PCDH20: variants seen among roughly 807,000 people sequenced by gnomAD.
The protein encoded by PCDH20 is protocadherin 20.
A neutral mutation model predicts 39.7 loss-of-function variants in PCDH20; 18 were observed. The ratio of observed to expected loss-of-function variants is 0.45; its 90% confidence interval spans 0.31 to 0.67. The LOEUF (loss-of-function observed/expected upper bound fraction) is 0.67, where lower values mean the gene tolerates loss of function less well. PCDH20 is among the 30% of genes least tolerant of loss of function. PCDH20 has a pLI of 0.05. For missense variants in PCDH20, 1,161 were observed against 1,167.4 expected (o/e 0.99, Z 0.08); for synonymous variants, 495 against 455.4 (o/e 1.09, Z -1.11).
exon 2 of PCDH20, chr13:61,411,938 C>G (rs1168079212): frequency 1.2e-6 from 2 of 1,613,978 alleles, no homozygotes; most frequent in East Asian, 4.5e-5. Flanking sequence ...GAGGAGAGGG[C>G]AGGCTCACCC....
exon 2 of PCDH20, chr13:61,413,359 T>C: frequency 1.9e-6 from 3 of 1,614,070 alleles, no homozygotes; most frequent in Non-Finnish European, 2.5e-6. Context: ...CAGTAAGCGA[T>C]AGGTCTGTAC....
At chr13:61,414,092 G>T in intron 1 of PCDH20, 126 bp from the exon 2 acceptor site, 1 of 832,704 alleles carries the variant, frequency 1.2e-6, no homozygotes. Flanking sequence ...CCTCTAATTA[G>T]AACGGGGGCG....
intron 1 of PCDH20, 121 bp from the exon 2 acceptor site, chr13:61,414,087 A>C: frequency 1.1e-6 from 1 of 870,762 alleles, no homozygotes; most frequent in Non-Finnish European, 1.7e-6. Flanking sequence ...CAAAACCTCT[A>C]ATTAGAACGG....
At position 61,415,179 on chromosome 13, in the gene PCDH20, G is replaced by T; in HGVS notation, c.-21C>A. 2 of 1,395,572 alleles carry T rather than the reference G, an allele frequency of 1.4e-6. No homozygotes were observed. The highest frequency in any genetic ancestry group is 3.1e-5 in the South Asian group (2 of 64,920). 86.4% of individuals were successfully genotyped at this position (1,395,572 alleles called of 1,614,324 possible). ...CGCATTCCCTGGGAGGCTGCAGTCA[G>T]AGCGCTCTTGAAGGGAGGGCGGCAG... On this transcript the variant is annotated 5_prime_UTR_variant, in exon 1 of 2. The change creates a new upstream start codon in the 5' untranslated region. Transcript: ENST00000409204.
rs533937930 is a variant in PCDH20 at position 61,413,708 on chromosome 13, C to T, written c.391G>A (p.Val131Met). 4.3e-6 allele frequency: 7 copies of T among 1,613,950 alleles called. No individual in the cohort carries two copies. The highest frequency in any genetic ancestry group is 2.7e-5 in the African/African-American group (2 of 75,022). The stretch of plus-strand genomic sequence containing the variant: ...TCCCCAGAGCGGTTGTCTAGGGTCA[C>T]GTACTGGCCACTCAGTCCCCGGGAG... Residue 131 changes from valine to methionine, a missense_variant, in exon 2 of 2, where the codon GTG becomes ATG. By Grantham distance (21) the Val-to-Met change is conservative. Coordinates refer to ENST00000409204, the Ensembl canonical transcript of PCDH20.
chr13:61,413,747 A>G (rs1348566188), exon 2 of PCDH20: 1 of 1,613,776 alleles, frequency 6.2e-7, no homozygotes, highest in Non-Finnish European at 8.5e-7. Context: ...AGGCTGAAGG[A>G]GAGAGGGGGG....
exon 2 of PCDH20, chr13:61,413,419 C>T: frequency 6.2e-7 from 1 of 1,613,976 alleles, no homozygotes; most frequent in East Asian, 2.2e-5. Context: ...TATGGCCAGT[C>T]GGGTGTTTAC....
exon 2 of PCDH20, chr13:61,412,763 G>A (rs1593784431): frequency 1.2e-6 from 2 of 1,614,082 alleles, no homozygotes. Context: ...GTGTTAACGG[G>A]TTCCAGTTCT....
At chr13:61,414,317 G>C (rs1871488755) in intron 1 of PCDH20, among the ~76,000 whole-genome samples, 1 of 152,072 alleles carries the variant, frequency 6.6e-6, no homozygotes, top group Non-Finnish European at 1.5e-5. Context: ...ACTGCGCAAA[G>C]CGACACGGAA....
At chr13:61,411,300 T>C (rs1159225793) in exon 2 of PCDH20, 1 of 1,614,072 alleles carries the variant, frequency 6.2e-7, no homozygotes, top group Non-Finnish European at 8.5e-7. Context: ...CAATTTTTCC[T>C]TTCAGTGGAA....
chr13:61,415,188 T>C, exon 1 of PCDH20: 1 of 1,371,320 alleles, frequency 7.3e-7, no homozygotes, highest in Non-Finnish European at 9.5e-7. Context: ...AGAGCGCTCT[T>C]GAAGGGAGGG....
Position 61,415,020 on chromosome 13 carries a change from C to A in PCDH20, c.132+7G>T, listed in dbSNP as rs1489424308. On this transcript the variant is annotated splice_region_variant and intron_variant, in intron 1 of 1. Coordinates refer to ENST00000409204, the Ensembl canonical transcript of PCDH20. Reference sequence around the variant, plus strand: ...GGGTCGCGGGGTTCCTTGACCCTAACCCTTACCGGCAGGTTCCTGTAGCTG... The same window carrying A: ...GGGTCGCGGGGTTCCTTGACCCTAAACCTTACCGGCAGGTTCCTGTAGCTG... 2.7e-6 allele frequency: 4 copies of A among 1,469,964 alleles called. No homozygotes were observed. The highest frequency in any genetic ancestry group is 3.6e-6 in the Non-Finnish European group (4 of 1,098,912). The allele number at this position is 1,469,964 out of a possible 1,614,324, so 91.1% of individuals were successfully genotyped here. A position where few individuals can be genotyped will look rare whatever the true frequency, so the allele number is the denominator to read the frequency against.
exon 2 of PCDH20, chr13:61,412,716 A>G (rs1194544327): frequency 6.2e-7 from 1 of 1,614,026 alleles, no homozygotes; most frequent in Non-Finnish European, 8.5e-7. Flanking sequence ...CCTTGTATTT[A>G]CCTTCTGGAT....
chr13:61,411,368 T>G, exon 2 of PCDH20: 1 of 1,614,132 alleles, frequency 6.2e-7, no homozygotes, highest in Non-Finnish European at 8.5e-7. Flanking sequence ...CTTAAACAGA[T>G]GTATATGCCC....
exon 2 of PCDH20, chr13:61,413,201 G>T: frequency 6.2e-7 from 1 of 1,614,130 alleles, no homozygotes. Flanking sequence ...CTGCCCAAAA[G>T]TGGTGGAGAC....
At chr13:61,413,813 C>T in exon 2 of PCDH20, 3 of 1,612,968 alleles carry the variant, frequency 1.9e-6, no homozygotes, top group African/African-American at 2.7e-5. Flanking sequence ...GGCCTCCCTG[C>T]AGACCTGGGC....
At chr13:61,413,336 T>C in exon 2 of PCDH20, 1 of 1,614,004 alleles carries the variant, frequency 6.2e-7, no homozygotes, top group Non-Finnish European at 8.5e-7. Context: ...AGGGTGAACA[T>C]ACCATGGTAG....
exon 2 of PCDH20, chr13:61,413,076 A>C (rs1871438520): frequency 6.2e-7 from 1 of 1,614,228 alleles, no homozygotes; most frequent in Non-Finnish European, 8.5e-7. Flanking sequence ...CAGCCTGGAC[A>C]GCTGCAATTG....
chr13:61,414,473 A>C (rs1384552988), intron 1 of PCDH20, among the ~76,000 whole-genome samples: 2 of 152,146 alleles, frequency 1.3e-5, no homozygotes, highest in East Asian at 3.9e-4. Context: ...CCATAAAAAC[A>C]ACCACAATCG....
Sources: gnomAD v4.1 joint callset for allele counts (sites outside exome capture counted in the v4.1 genomes callset) on GRCh38, gnomAD v4.1.1 for gene constraint, MANE v1.5 for transcripts, NCBI Gene and HGNC (gene_info 2026-07-23, HGNC 2026-07-21) for gene names.